Variants in DIAPH2 observed in about 807,000 individuals in gnomAD.
DIAPH2 encodes the protein diaphanous related formin 2.
A neutral mutation model predicts 92.7 loss-of-function variants in DIAPH2; 35 were observed. That is an observed-to-expected ratio of 0.38 (90% CI 0.29 to 0.50). The LOEUF is 0.50. Ranked by LOEUF, DIAPH2 falls within the 20% of genes least tolerant of loss-of-function variation. DIAPH2 has a pLI of 0.94. For missense variants in DIAPH2, 701 were observed against 819.5 expected, an observed-to-expected ratio of 0.86 and a Z score of 1.77; for synonymous variants, 301 against 280.4, an observed-to-expected ratio of 1.07 and a Z score of -0.73.
chrX:97,478,960 A>G (rs767045701), intron 26 of DIAPH2, among the ~76,000 whole-genome samples: 4 of 110,559 alleles, frequency 3.6e-5, no homozygotes, highest in Non-Finnish European at 7.6e-5. Flanking sequence ...TTGTTTGTTA[A>G]TTTTTTGGTA....
At chrX:97,535,803 C>T (rs974004972) in intron 26 of DIAPH2, among the ~76,000 whole-genome samples, 3 of 112,256 alleles carry the variant, frequency 2.7e-5, no homozygotes, top group African/African-American at 6.5e-5. Flanking sequence ...AGGTCACTAT[C>T]ATCTAGCTTT....
At chrX:97,322,610 T>C (rs187025088) in intron 23 of DIAPH2, among the ~76,000 whole-genome samples, 1 of 111,608 alleles carries the variant, frequency 9.0e-6, no homozygotes, top group East Asian at 2.8e-4. Context: ...TCTTAGTCAC[T>C]GGTTTAATAT....
intron 15 of DIAPH2, among the ~76,000 whole-genome samples, chrX:96,953,188 C>T (rs774081665): frequency 9.0e-6 from 1 of 111,543 alleles, no homozygotes; most frequent in East Asian, 2.8e-4. Flanking sequence ...TTTTGTTGTT[C>T]ACTGAAAATT....
chrX:97,529,171 A>G (rs1289950670), intron 26 of DIAPH2: 1 of 111,881 alleles, frequency 8.9e-6, no homozygotes, highest in African/African-American at 3.2e-5. Context: ...ATTGTTTTTC[A>G]GTCATGTTTT....
At chrX:96,818,004 C>T (rs1249265659) in intron 4 of DIAPH2, among the ~76,000 whole-genome samples, 1 of 72,430 alleles carries the variant, frequency 1.4e-5, no homozygotes, top group African/African-American at 5.5e-5. Context: ...TTTTTTGAGA[C>T]GGAGTCTCGC....
intron 22 of DIAPH2, among the ~76,000 whole-genome samples, chrX:97,147,874 C>T (rs1170124406): frequency 1.8e-5 from 2 of 111,335 alleles, no homozygotes; most frequent in Admixed American, 9.6e-5. Flanking sequence ...GACTTTTTCA[C>T]GGGATTAATA....
In DIAPH2 at chrX:97,486,405, C is replaced by T. The variant is rs778169609; in HGVS notation, c.3241+56660C>T. On this transcript the variant is annotated intron_variant, in intron 26 of 26. Transcript: ENST00000324765. The stretch of plus-strand genomic sequence containing the variant: ...GTTCTCTAAGTACTTTTTGGATTCT[C>T]GTGCTAGAGAAAAAGAGCTATAAGA... Among the ~76,000 whole-genome samples the T allele has an allele frequency of 6.3e-5, 7 of 111,447 alleles. No individual in the cohort carries two copies. In the South Asian group the frequency reaches 1.5e-3, roughly 24 times the overall value.
chrX:96,800,674 C>G (rs1435955544), intron 4 of DIAPH2, among the ~76,000 whole-genome samples: 2 of 111,887 alleles, frequency 1.8e-5, no homozygotes, highest in Admixed American at 9.5e-5. Context: ...CATGGTTGAT[C>G]GTCAGTGAGA....
intron 17 of DIAPH2, among the ~76,000 whole-genome samples, chrX:97,066,068 TTTAAG>T (rs1337901101): frequency 8.9e-6 from 1 of 111,775 alleles, no homozygotes; most frequent in Non-Finnish European, 1.9e-5. Flanking sequence ...ATAAGCTAAG[TTTAAG>T]TTATTATTGA....
At chrX:97,244,357 T>TATC (rs1290392579) in intron 22 of DIAPH2, among the ~76,000 whole-genome samples, 2 of 112,248 alleles carry the variant, frequency 1.8e-5, no homozygotes, top group African/African-American at 3.2e-5. Context: ...ATGAAGTCAT[T>TATC]ATCATCATCA....
chrX:96,749,128 GAAAAA>G (rs759288156), intron 3 of DIAPH2, among the ~76,000 whole-genome samples: 1 of 55,620 alleles, frequency 1.8e-5, no homozygotes, highest in Non-Finnish European at 3.1e-5. Flanking sequence ...TACCCCATCA[GAAAAA>G]AAAAAAAAAA....
chrX:96,958,053 C>T lies in DIAPH2; in HGVS notation c.1840C>T (p.Pro614Ser). 8.3e-7 allele frequency: 1 copy of T among 1,211,612 alleles called. No individual in the cohort carries two copies. Among genetic ancestry groups the T allele is most frequent in the Non-Finnish European group, 1.1e-6 (1 of 895,473 alleles). The change falls in exon 16 of 27, where the codon CCT becomes TCT. Residue 614 changes from proline to serine, a missense_variant. Pro to Ser is a moderately conservative substitution (Grantham distance 74). Around this residue, in one of 3 missense-constraint regions of DIAPH2, gnomAD observed 536 missense variants for 599.3 expected, o/e 0.89. Coordinates refer to ENST00000324765, the MANE Select transcript of DIAPH2 (RefSeq NM_006729.5). ...ACCACCACCCCTTGGAGGAGTTCCT[C>T]CTCCCCCAGGAATATCACTTAATCT... The part of the protein sequence containing the change: ...PPPPPLGGVP[P>S]PPGISLNLPY...
intron 5 of DIAPH2, among the ~76,000 whole-genome samples, chrX:96,903,692 G>A (rs748034784): frequency 9.9e-5 from 11 of 111,200 alleles, no homozygotes; most frequent in South Asian, 3.8e-4. Flanking sequence ...AAATTTTTTG[G>A]TAATTTTTTC....
chrX:97,386,250 A>T (rs1179229295), intron 25 of DIAPH2, among the ~76,000 whole-genome samples: 1 of 112,400 alleles, frequency 8.9e-6, no homozygotes, highest in Non-Finnish European at 1.9e-5. Context: ...AACGAACTTC[A>T]TAATTAGAAT....
At chrX:97,271,056 A>G (rs760462854) in intron 23 of DIAPH2, among the ~76,000 whole-genome samples, 30 of 110,991 alleles carry the variant, frequency 2.7e-4, no homozygotes, top group Non-Finnish European at 5.5e-4. Flanking sequence ...ATCATTTAAG[A>G]TACAAACTAA....
intron 26 of DIAPH2, among the ~76,000 whole-genome samples, chrX:97,449,304 T>C (rs2070339169): frequency 8.9e-6 from 1 of 111,811 alleles, no homozygotes; most frequent in South Asian, 3.7e-4. Context: ...TAAGTACAGG[T>C]TATCTAAGGA....
Position 97,249,567 on chromosome X carries a change from A to G in DIAPH2, c.2844+1728A>G, listed in dbSNP as rs999773461. Among the ~76,000 whole-genome samples the G allele has an allele frequency of 1.8e-4, 20 of 112,214 alleles. No homozygotes were observed. In the East Asian group the frequency reaches 2.0e-3, roughly 11 times the overall value. ...ATTAGAATATTGAGTTGGGTTGGTTAAAAACTATGAATTAATGGATTATAA... is the reference window on the plus strand; with the variant it reads ...ATTAGAATATTGAGTTGGGTTGGTTGAAAACTATGAATTAATGGATTATAA... On this transcript the variant is annotated intron_variant, in intron 23 of 26. Transcript: ENST00000324765.
intron 4 of DIAPH2, among the ~76,000 whole-genome samples, chrX:96,826,200 C>T (rs1195196961): frequency 2.7e-5 from 3 of 110,241 alleles, no homozygotes; most frequent in African/African-American, 6.6e-5. Context: ...GTGGATCACT[C>T]GAGGACAGGA....
chrX:97,387,734 CG>C (rs1476196892), intron 25 of DIAPH2, among the ~76,000 whole-genome samples: 1 of 111,709 alleles, frequency 9.0e-6, no homozygotes, highest in Non-Finnish European at 1.9e-5. Flanking sequence ...ATAAAATTAA[CG>C]ATCATGAGAG....
Sources: gnomAD v4.1 joint callset for allele counts (sites outside exome capture counted in the v4.1 genomes callset) on GRCh38, gnomAD v4.1.1 for gene constraint, gnomAD v4.1.1 regional missense constraint, MANE v1.5 for transcripts, NCBI Gene and HGNC (gene_info 2026-07-23, HGNC 2026-07-21) for gene names.